Variants in PRH1 observed in about 807,000 individuals in gnomAD.
The protein encoded by PRH1 is salivary acidic proline-rich phosphoprotein 1/2.
Under a neutral mutation model 7.9 loss-of-function variants are expected in PRH1, and 7 were observed. That is an observed-to-expected ratio of 0.89 (90% CI 0.50 to 1.67). The LOEUF is 1.67. Among genes scored for constraint, PRH1 ranks in the 40% most tolerant of loss-of-function variants. The pLI, the probability that PRH1 is intolerant of heterozygous loss-of-function variation, is 0.00. For missense variants in PRH1, 109 were observed against 223.6 expected (o/e 0.49, Z 3.27); for synonymous variants, 45 against 80.8 (o/e 0.56, Z 2.38).
At chr12:11,040,939 C>G (rs1027892627) in intron 1 of PRH1, among the ~76,000 whole-genome samples, 1 of 151,832 alleles carries the variant, frequency 6.6e-6, no homozygotes. Flanking sequence ...TCAAACCTAA[C>G]AGCATAGAAT....
At chr12:11,061,316 T>G (rs371366678) in intron 1 of PRH1, 2 of 1,517,862 alleles carry the variant, frequency 1.3e-6, no homozygotes, top group Non-Finnish European at 1.8e-6. Context: ...ATGCTTCATA[T>G]AACACGTTTG....
intron 2 of PRH1, among the ~76,000 whole-genome samples, chr12:10,956,127 A>G (rs1937942835): frequency 6.6e-6 from 1 of 152,144 alleles, no homozygotes; most frequent in Non-Finnish European, 1.5e-5. Context: ...GAGACACAAC[A>G]ATAAAAGAAA....
chr12:10,976,230 C>T (rs11054127), intron 1 of PRH1, among the ~76,000 whole-genome samples: 2,279 of 152,228 alleles, frequency 0.015, 33 homozygotes, highest in Non-Finnish European at 0.025. Context: ...CGTTCTTGGA[C>T]CACAGCCCTA....
chr12:11,102,211 C>G (rs576465324), intron 1 of PRH1, among the ~76,000 whole-genome samples: 1 of 152,038 alleles, frequency 6.6e-6, no homozygotes, highest in Non-Finnish European at 1.5e-5. Context: ...TCATATGGAA[C>G]CAAAAAAGAG....
upstream of PRH1, among the ~76,000 whole-genome samples, chr12:11,051,061 T>G (rs1256629107): frequency 2.6e-5 from 4 of 152,252 alleles, no homozygotes; most frequent in African/African-American, 9.6e-5. Flanking sequence ...CACAAATATC[T>G]AATGCAGTTT....
chr12:10,951,635 C>T (rs1024709502), intron 2 of PRH1, among the ~76,000 whole-genome samples: 10 of 152,032 alleles, frequency 6.6e-5, no homozygotes, highest in African/African-American at 1.4e-4. Flanking sequence ...GAACTGATCT[C>T]GCATCCTTAG....
chr12:11,139,626 T>G (rs947461399), intron 1 of PRH1, among the ~76,000 whole-genome samples: 1 of 152,244 alleles, frequency 6.6e-6, no homozygotes, highest in African/African-American at 2.4e-5. Context: ...TTTGTTAATT[T>G]TGATCACTGT....
intron 2 of PRH1, chr12:10,938,385 A>T (rs770661853): frequency 6.2e-7 from 1 of 1,614,116 alleles, no homozygotes; most frequent in South Asian, 1.1e-5. Context: ...CATGAGTGAC[A>T]TGAAGGATAA....
intron 1 of PRH1, among the ~76,000 whole-genome samples, chr12:11,143,227 C>T (rs1946758910): frequency 6.6e-6 from 1 of 152,110 alleles, no homozygotes; most frequent in South Asian, 2.1e-4. Flanking sequence ...GTAGAGTCTT[C>T]ATTTGTTTAG....
chr12:11,138,855 A>C (rs938549773), intron 1 of PRH1, among the ~76,000 whole-genome samples: 1 of 152,108 alleles, frequency 6.6e-6, no homozygotes, highest in African/African-American at 2.4e-5. Context: ...CTTGGGCAAC[A>C]TGGCAAAATC....
chr12:10,936,443 T>C (rs1010176038), intron 2 of PRH1, among the ~76,000 whole-genome samples: 5 of 152,122 alleles, frequency 3.3e-5, no homozygotes, highest in Admixed American at 2.0e-4. Context: ...AGATATAAAG[T>C]GTACAATTTC....
intron 2 of PRH1, among the ~76,000 whole-genome samples, chr12:10,935,164 C>T (rs989946396): frequency 4.6e-5 from 7 of 152,148 alleles, no homozygotes; most frequent in Admixed American, 2.0e-4. Flanking sequence ...TTTGCAAGTT[C>T]CCGTATACAC....
At chr12:11,110,635 C>T (rs1945562756) in intron 1 of PRH1, among the ~76,000 whole-genome samples, 2 of 152,296 alleles carry the variant, frequency 1.3e-5, no homozygotes, top group Non-Finnish European at 2.9e-5. Flanking sequence ...GCCTGCCTCA[C>T]AAGAGCTTCT....
At chr12:11,152,015 C>T (rs1042773822) in intron 1 of PRH1, among the ~76,000 whole-genome samples, 3 of 150,714 alleles carry the variant, frequency 2.0e-5, no homozygotes, top group Non-Finnish European at 3.0e-5. Context: ...TTTTTACAGT[C>T]GGGTGTTTAG....
chr12:10,960,449 G>A (rs1938185488), intron 2 of PRH1, among the ~76,000 whole-genome samples: 1 of 152,306 alleles, frequency 6.6e-6, no homozygotes, highest in Non-Finnish European at 1.5e-5. Flanking sequence ...TCTAGGATGT[G>A]GTACCTTCAC....
At chr12:10,973,604 G>A (rs564623194) in intron 2 of PRH1, 6 of 759,074 alleles carry the variant, frequency 7.9e-6, no homozygotes, top group Non-Finnish European at 1.5e-5. Context: ...CAGAAACCAA[G>A]TGTTGCTAGG....
At chr12:11,071,683 G>T (rs11560808) in intron 1 of PRH1, among the ~76,000 whole-genome samples, 65,662 of 148,680 alleles carry the variant, frequency 0.44, 15,404 homozygotes, top group Non-Finnish European at 0.51. Context: ...AGGCCAGCAA[G>T]TTGGGGCGGC....
intron 1 of PRH1, among the ~76,000 whole-genome samples, chr12:11,052,564 C>T (rs900830098): frequency 2.6e-5 from 4 of 152,066 alleles, no homozygotes; most frequent in African/African-American, 9.7e-5. Flanking sequence ...TTGGAAAAAT[C>T]CCTGCAACAT....
At chr12:10,908,718 G>C in intron 2 of PRH1, 1 of 1,613,404 alleles carries the variant, frequency 6.2e-7, no homozygotes, top group Non-Finnish European at 8.5e-7. Flanking sequence ...AGAGATGAAG[G>C]CCACAGTAAA....
Sources: allele counts gnomAD v4.1 joint callset (sites outside exome capture counted in the v4.1 genomes callset), GRCh38; gene constraint gnomAD v4.1.1; transcripts MANE v1.5; gene names NCBI Gene and HGNC (gene_info 2026-07-23, HGNC 2026-07-21).